Variants in ARHGEF3 observed in about 807,000 individuals in gnomAD.
ARHGEF3 encodes 59.8 kDA protein.
A neutral mutation model predicts 63.2 loss-of-function variants in ARHGEF3; 28 were observed. The observed-to-expected ratio is 0.44, with a 90% CI of 0.33 to 0.61. ARHGEF3 has a LOEUF of 0.61. Ranked by LOEUF, ARHGEF3 falls within the 20% of genes least tolerant of loss-of-function variation. ARHGEF3 has a pLI of 0.03. For missense variants in ARHGEF3, 533 were observed against 659.3 expected, an observed-to-expected ratio of 0.81 and a Z score of 2.10; for synonymous variants, 266 against 254.2, an observed-to-expected ratio of 1.05 and a Z score of -0.44.
intron 1 of ARHGEF3, chr3:56,775,458 C>T (rs1048312768): frequency 4.0e-6 from 4 of 1,004,342 alleles, no homozygotes; most frequent in African/African-American, 1.7e-5. Context: ...CAGTTAAATA[C>T]TTTTCCAAGA....
chr3:57,036,629 C>T (rs1347752316), intron 1 of ARHGEF3, among the ~76,000 whole-genome samples: 1 of 152,178 alleles, frequency 6.6e-6, no homozygotes, highest in Admixed American at 6.6e-5. Flanking sequence ...AAACCTGCTG[C>T]TTCATCTAGT....
intron 3 of ARHGEF3, chr3:56,916,335 A>T (rs904568184): frequency 6.5e-7 from 1 of 1,535,376 alleles, no homozygotes; most frequent in South Asian, 1.2e-5. Context: ...AGGCAGCACC[A>T]CACCATGGGG....
intron 4 of ARHGEF3, among the ~76,000 whole-genome samples, chr3:56,828,752 C>A (rs2038824564): frequency 1.3e-5 from 2 of 152,116 alleles, no homozygotes; most frequent in South Asian, 4.1e-4. Context: ...GAGCCTGTTT[C>A]TCAGTGGAAG....
chr3:56,911,551 C>T (rs929814326), intron 3 of ARHGEF3, among the ~76,000 whole-genome samples: 3 of 152,044 alleles, frequency 2.0e-5, no homozygotes, highest in Non-Finnish European at 4.4e-5. Context: ...TGACCTTGCC[C>T]GCTCCGAGTC....
chr3:56,817,255 C>A (rs939957508), intron 4 of ARHGEF3, among the ~76,000 whole-genome samples: 2 of 152,152 alleles, frequency 1.3e-5, no homozygotes, highest in African/African-American at 4.8e-5. Flanking sequence ...GGTTAAGGGG[C>A]TACCACATAG....
At chr3:57,074,066 C>A (rs2107416408) in intron 1 of ARHGEF3, 1 of 1,614,148 alleles carries the variant, frequency 6.2e-7, no homozygotes, top group Middle Eastern at 1.6e-4. Context: ...TTATTCATAA[C>A]TCTACACCTC....
At chr3:57,073,619 A>T (rs1164905204) in intron 1 of ARHGEF3, 1 of 1,514,168 alleles carries the variant, frequency 6.6e-7, no homozygotes, top group Admixed American at 2.2e-5. Flanking sequence ...AGAGTGCTGC[A>T]TGCTCCTCAG....
intron 4 of ARHGEF3, among the ~76,000 whole-genome samples, chr3:56,877,391 T>TTTTTTA (rs1360856469): frequency 6.6e-6 from 1 of 151,524 alleles, no homozygotes; most frequent in Non-Finnish European, 1.5e-5. Context: ...TTTTTTTTTT[T>TTTTTTA]TGAGATAGGG....
At chr3:56,769,533 T>C (rs923050694) in intron 2 of ARHGEF3, among the ~76,000 whole-genome samples, 1 of 152,202 alleles carries the variant, frequency 6.6e-6, no homozygotes. Context: ...CCCCAGCCCA[T>C]ATGGGCACAG....
chr3:56,861,053 G>T (rs2040056128), intron 4 of ARHGEF3, among the ~76,000 whole-genome samples: 1 of 152,194 alleles, frequency 6.6e-6, no homozygotes, highest in African/African-American at 2.4e-5. Flanking sequence ...GCTAGGAGAG[G>T]CCCCTGTGCA....
intron 3 of ARHGEF3, among the ~76,000 whole-genome samples, chr3:56,883,823 T>C (rs1002887944): frequency 3.3e-5 from 5 of 152,130 alleles, no homozygotes; most frequent in African/African-American, 1.2e-4. Flanking sequence ...ACATCTGTAG[T>C]CTTCAGTCCC....
chr3:56,854,935 T>C lies in ARHGEF3; in HGVS notation c.192+27357A>G, dbSNP rs76607188. 4.0e-3 allele frequency among the ~76,000 whole-genome samples: 602 copies of C among 152,202 alleles called. 8 individuals are homozygous for C. Among genetic ancestry groups the C allele is most frequent in the African/African-American group, 0.014 (565 of 41,506 alleles). ...GAATCCAAGATGGAGTGGTCAGAAA[T>C]GTGAGCAGTAAACAGGAGAGTGTGC... On this transcript the variant is annotated intron_variant, in intron 4 of 12. Transcript: ENST00000338458.
chr3:56,821,199 G>T (rs1393509811), intron 4 of ARHGEF3, among the ~76,000 whole-genome samples: 1 of 152,060 alleles, frequency 6.6e-6, no homozygotes, highest in African/African-American at 2.4e-5. Flanking sequence ...GTCCTTATCA[G>T]GTAGAGAGGT....
intron 1 of ARHGEF3, among the ~76,000 whole-genome samples, chr3:57,057,068 G>A (rs1386681705): frequency 6.6e-6 from 1 of 151,656 alleles, no homozygotes; most frequent in Non-Finnish European, 1.5e-5. Context: ...TATGATCCTG[G>A]GTAAAATGGG....
At chr3:56,964,396 G>A (rs1310729685) in intron 2 of ARHGEF3, among the ~76,000 whole-genome samples, 7 of 151,070 alleles carry the variant, frequency 4.6e-5, no homozygotes, top group African/African-American at 1.7e-4. Flanking sequence ...GAAATGGTCA[G>A]CTGGTACAAT....
At chr3:56,967,335 T>C (rs1466471410) in intron 2 of ARHGEF3, among the ~76,000 whole-genome samples, 22 of 76,110 alleles carry the variant, frequency 2.9e-4, no homozygotes, top group African/African-American at 7.3e-4. Flanking sequence ...TATTATATAT[T>C]GTACATATCA....
At chr3:56,797,216 T>C (rs987620344) in intron 1 of ARHGEF3, among the ~76,000 whole-genome samples, 4 of 152,210 alleles carry the variant, frequency 2.6e-5, no homozygotes, top group Admixed American at 6.5e-5. Context: ...GGAGACAGCA[T>C]TGAGACTCAG....
intron 1 of ARHGEF3, among the ~76,000 whole-genome samples, chr3:57,067,120 ATTT>A (rs1705582849): frequency 6.6e-6 from 1 of 152,166 alleles, no homozygotes; most frequent in Non-Finnish European, 1.5e-5. Context: ...ATAAAAATAT[ATTT>A]TTTAAAAACC....
chr3:56,892,004 C>T (rs940633563), intron 3 of ARHGEF3, among the ~76,000 whole-genome samples: 1 of 152,110 alleles, frequency 6.6e-6, no homozygotes. Flanking sequence ...AGGAAAGATC[C>T]TCTTCTCCCA....
Sources: allele counts gnomAD v4.1 joint callset (sites outside exome capture counted in the v4.1 genomes callset), GRCh38; gene constraint gnomAD v4.1.1; transcripts MANE v1.5; gene names NCBI Gene and HGNC (gene_info 2026-07-23, HGNC 2026-07-21).